CSMD1: variants seen among roughly 807,000 people sequenced by gnomAD.
The protein encoded by CSMD1 is CUB and sushi domain-containing protein 1.
CSMD1 carries 213 observed loss-of-function variants against 417.5 expected under a neutral mutation model. The observed-to-expected ratio is 0.51, with a 90% CI of 0.46 to 0.57. The LOEUF (loss-of-function observed/expected upper bound fraction) is 0.57. Ranked by LOEUF, CSMD1 falls within the 20% of genes least tolerant of loss-of-function variation. The pLI is 0.00. For missense variants in CSMD1, 6,923 were observed against 4,529.7 expected (o/e 1.53, Z -15.17); for synonymous variants, 2,862 against 1,736.8 (o/e 1.65, Z -16.11).
chr8:3,113,180 G>A (rs1355483797), intron 42 of CSMD1: 1 of 152,246 alleles, frequency 6.6e-6, no homozygotes, highest in Admixed American at 6.5e-5. Flanking sequence ...AGCTCTGCGT[G>A]GAGCACAGCA....
chr8:3,611,321 G>A (rs548595838), intron 8 of CSMD1, among the ~76,000 whole-genome samples: 26 of 152,106 alleles, frequency 1.7e-4, no homozygotes, highest in South Asian at 4.2e-4. Flanking sequence ...ACTTGAATAC[G>A]TAATGTGTCT....
chr8:4,220,123 G>T (rs938622139), intron 3 of CSMD1, among the ~76,000 whole-genome samples: 1 of 151,890 alleles, frequency 6.6e-6, no homozygotes, highest in Non-Finnish European at 1.5e-5. Flanking sequence ...CTGATTTTTT[G>T]TATTTTCAGT....
intron 4 of CSMD1, among the ~76,000 whole-genome samples, chr8:4,016,641 G>C (rs905506731): frequency 3.3e-5 from 5 of 152,174 alleles, no homozygotes; most frequent in African/African-American, 1.2e-4. Context: ...TCTTTGCTTT[G>C]TCTTCTACAG....
chr8:4,800,230 G>A (rs934881086), intron 1 of CSMD1, among the ~76,000 whole-genome samples: 4 of 152,098 alleles, frequency 2.6e-5, no homozygotes, highest in African/African-American at 9.7e-5. Flanking sequence ...CCTGAGGTCA[G>A]GAGTTGGAGA....
chr8:3,976,926 G>T (rs944897232), intron 5 of CSMD1, among the ~76,000 whole-genome samples: 1 of 152,156 alleles, frequency 6.6e-6, no homozygotes, highest in Non-Finnish European at 1.5e-5. Flanking sequence ...CATTTACATA[G>T]TGTCTAGTAC....
intron 1 of CSMD1, among the ~76,000 whole-genome samples, chr8:4,756,935 G>GT (rs1218129180): frequency 1.3e-5 from 2 of 152,222 alleles, no homozygotes; most frequent in African/African-American, 4.8e-5. Flanking sequence ...AAAGCTGAAT[G>GT]TTTTTAAAAG....
intron 7 of CSMD1, among the ~76,000 whole-genome samples, chr8:3,640,919 T>A (rs568892848): frequency 6.6e-6 from 1 of 152,136 alleles, no homozygotes; most frequent in Non-Finnish European, 1.5e-5. Context: ...TTGCCAGCTT[T>A]GTCTTTATTT....
intron 52 of CSMD1, among the ~76,000 whole-genome samples, chr8:3,007,542 C>T (rs1003377799): frequency 6.6e-6 from 1 of 151,328 alleles, no homozygotes; most frequent in South Asian, 2.1e-4. Context: ...CGATGATAGA[C>T]TGGATTAAGA....
intron 2 of CSMD1, among the ~76,000 whole-genome samples, chr8:4,532,064 C>G (rs1164027616): frequency 7.2e-6 from 1 of 138,892 alleles, no homozygotes; most frequent in Admixed American, 7.4e-5. Context: ...AAATAAATCC[C>G]GCACCCTCAT....
At position 3,172,862 on chromosome 8, in the gene CSMD1, G is replaced by A. The variant is rs530497143; in HGVS notation, c.5725+8248C>T. ...ACATTCTAAAACAACAGTGGAGTGAGAAGCGGCAATATTTATCTCATGATT... is the reference window on the plus strand; with the variant it reads ...ACATTCTAAAACAACAGTGGAGTGAAAAGCGGCAATATTTATCTCATGATT... On this transcript the variant is annotated intron_variant, in intron 37 of 69. Transcript: ENST00000635120. Among the ~76,000 whole-genome samples the A allele has an allele frequency of 2.0e-5, 3 of 152,310 alleles. No individual in the cohort carries two copies. In the South Asian group the frequency reaches 6.2e-4, roughly 32 times the overall value.
At position 4,031,976 on chromosome 8, in the gene CSMD1, TG is replaced by T; in HGVS notation, c.538del (p.His180ThrfsTer4). Reference sequence around the variant, plus strand: ...GCTGACGATGCAGGTCAGGATGGCGTGGCCTTCCAAGATGTAGCCAGGGAGG... The same window carrying T: ...GCTGACGATGCAGGTCAGGATGGCGTGCCTTCCAAGATGTAGCCAGGGAGG... Reference protein sequence around the residue: ...SCLPGYILEGHAILTCIVSPG... With the variant: ...SCLPGYILEGXAILTCIVSPG... On this transcript the variant is annotated frameshift_variant, in exon 4 of 70. Coordinates refer to ENST00000635120, the MANE Select transcript of CSMD1 (RefSeq NM_033225.6). LOFTEE classifies it high-confidence loss of function. The T allele has an allele frequency of 6.2e-7, 1 of 1,613,952 alleles. No homozygotes were observed. The highest frequency in any genetic ancestry group is 8.5e-7 in the Non-Finnish European group (1 of 1,179,874).
Position 4,308,033 on chromosome 8 carries a change from C to T in CSMD1, c.415+111920G>A, listed in dbSNP as rs560719217. ...TGATGGTGGGCATACTACAGAGCAA[C>T]GCCAGACATGGATCTGACTTTCAGC... is the stretch of plus-strand genomic sequence containing the variant. On this transcript the variant is annotated intron_variant, in intron 3 of 69. Coordinates refer to ENST00000635120, the MANE Select transcript of CSMD1 (RefSeq NM_033225.6). Among the ~76,000 whole-genome samples, 8 of 152,264 alleles carry T rather than the reference C, an allele frequency of 5.3e-5. No individual in the cohort carries two copies. In the South Asian group the frequency reaches 8.3e-4, roughly 16 times the overall value.
intron 39 of CSMD1, among the ~76,000 whole-genome samples, chr8:3,156,975 T>G (rs541250771): frequency 3.7e-4 from 53 of 143,058 alleles, no homozygotes; most frequent in African/African-American, 1.3e-3. Context: ...TACCCAGATT[T>G]GTTGTTTAGA....
intron 3 of CSMD1, among the ~76,000 whole-genome samples, chr8:4,041,693 T>C (rs1247752033): frequency 6.6e-6 from 1 of 152,172 alleles, no homozygotes; most frequent in Non-Finnish European, 1.5e-5. Context: ...GAATTTTCAA[T>C]CAGTGAACAC....
intron 2 of CSMD1, among the ~76,000 whole-genome samples, chr8:4,459,517 T>A (rs1480379600): frequency 6.6e-6 from 1 of 152,138 alleles, no homozygotes; most frequent in Non-Finnish European, 1.5e-5. Context: ...ATGGAAATTG[T>A]GAGGATAAGC....
intron 7 of CSMD1, among the ~76,000 whole-genome samples, chr8:3,657,657 G>A (rs1036624840): frequency 6.6e-6 from 1 of 152,114 alleles, no homozygotes; most frequent in Non-Finnish European, 1.5e-5. Context: ...AGAACACATG[G>A]ACACAAGGAA....
rs146634415 is a variant in CSMD1 at position 3,322,333 on chromosome 8, G to A, written c.3632-13830C>T. Among the ~76,000 whole-genome samples the A allele has an allele frequency of 1.9e-3, 286 of 152,112 alleles. 1 individual carries two copies. The highest frequency in any genetic ancestry group is 6.8e-3 in the Middle Eastern group (2 of 294). ...AGGTCTGTTACATTTTACAGTATTA[G>A]TTAAATGACTGAACATTCAAATTAA... On this transcript the variant is annotated intron_variant, in intron 23 of 69. Coordinates refer to ENST00000635120, the MANE Select transcript of CSMD1 (RefSeq NM_033225.6).
At chr8:3,765,541 T>C (rs977992334) in intron 5 of CSMD1, among the ~76,000 whole-genome samples, 8 of 152,366 alleles carry the variant, frequency 5.3e-5, no homozygotes, top group African/African-American at 1.7e-4. Context: ...TTCTTTGTAG[T>C]ATTCTGTATG....
chr8:3,704,599 A>G (rs986273445), intron 7 of CSMD1: 6 of 152,214 alleles, frequency 3.9e-5, no homozygotes, highest in African/African-American at 1.4e-4. Context: ...CCCATTTGAG[A>G]TCCCCTCTGC....
Sources: gnomAD v4.1 joint callset for allele counts (sites outside exome capture counted in the v4.1 genomes callset) on GRCh38, gnomAD v4.1.1 for gene constraint, MANE v1.5 for transcripts, NCBI Gene and HGNC (gene_info 2026-07-23, HGNC 2026-07-21) for gene names.